The following ADAM7 variants were observed in gnomAD, a reference collection of about 807,000 sequenced individuals.
ADAM7 encodes disintegrin and metalloproteinase domain-containing protein 7.
A neutral mutation model predicts 102.9 loss-of-function variants in ADAM7; 97 were observed. The observed-to-expected ratio is 0.94, with a 90% CI of 0.80 to 1.12. ADAM7 has a LOEUF of 1.12. Ranked by LOEUF, ADAM7 falls within the 50% of genes most tolerant of loss-of-function variation. ADAM7 has a pLI of 0.00. For missense variants in ADAM7, 991 were observed against 908.7 expected (o/e 1.09, Z -1.16); for synonymous variants, 334 against 304.4 (o/e 1.10, Z -1.01).
chr8:24,468,845 C>G (rs1554540353), intron 7 of ADAM7, 25 bp downstream of exon 7: 1 of 1,588,070 alleles, frequency 6.3e-7, no homozygotes, highest in South Asian at 1.1e-5. Context: ...GAACATTTCT[C>G]TCTTTATTCT....
At chr8:24,484,754 G>C (rs1489000311) in intron 9 of ADAM7, among the ~76,000 whole-genome samples, 1 of 130,938 alleles carries the variant, frequency 7.6e-6, no homozygotes, top group African/African-American at 2.9e-5. Context: ...GTATTTTTTT[G>C]TTTTTTGTTT....
intron 3 of ADAM7, among the ~76,000 whole-genome samples, chr8:24,450,682 C>A (rs1412707046): frequency 3.9e-5 from 6 of 151,950 alleles, no homozygotes; most frequent in Non-Finnish European, 8.8e-5. Flanking sequence ...ACTTCCAACA[C>A]TATGTTGAAT....
rs1821046374 is a variant in ADAM7, at chr8:24,509,474, T to C, written c.*928T>C. 1.0e-6 allele frequency: 1 copy of C among 984,776 alleles called. No homozygotes were observed. Among genetic ancestry groups the C allele is most frequent in the Non-Finnish European group, 1.2e-6 (1 of 829,334 alleles). 61.0% of individuals were successfully genotyped at this position (984,776 alleles called of 1,614,324 possible). A position where few individuals can be genotyped will look rare whatever the true frequency, so the allele number is the denominator to read the frequency against. On this transcript the variant is annotated 3_prime_UTR_variant, in exon 22 of 22. Coordinates refer to ENST00000175238, the MANE Select transcript of ADAM7 (RefSeq NM_003817.4). ...AACTGTTAAAGCTACATGCATTATTTTTTTTCCATTTACTGAAATAAAGTT... is the reference window on the plus strand; with the variant it reads ...AACTGTTAAAGCTACATGCATTATTCTTTTTCCATTTACTGAAATAAAGTT...
At chr8:24,503,043 T>TG (rs1483629970) in intron 20 of ADAM7, among the ~76,000 whole-genome samples, 1 of 152,190 alleles carries the variant, frequency 6.6e-6, no homozygotes, top group Non-Finnish European at 1.5e-5. Flanking sequence ...TAATGAATCA[T>TG]GATCAAGTAT....
intron 3 of ADAM7, among the ~76,000 whole-genome samples, chr8:24,452,257 G>A (rs1213792207): frequency 2.7e-5 from 4 of 150,686 alleles, no homozygotes; most frequent in Non-Finnish European, 5.9e-5. Flanking sequence ...GGGTGTTAAA[G>A]TCTCCCATTA....
rs933146405 is a variant in ADAM7 at position 24,476,308 on chromosome 8, G to T, written c.634-125G>T. On this transcript the variant is annotated intron_variant, in intron 7 of 21. Transcript: ENST00000175238. Reference sequence around the variant, plus strand: ...TGTCTAGTTTTTAGCTGAATGAAAGGAGTTCTCTTTCTTCATTAGGCCAAT... The same window carrying T: ...TGTCTAGTTTTTAGCTGAATGAAAGTAGTTCTCTTTCTTCATTAGGCCAAT... 4.7e-6 allele frequency: 3 copies of T among 636,508 alleles called. No homozygotes were observed. In the African/African-American group the frequency reaches 5.5e-5, roughly 12 times the overall value. The allele number at this position is 636,508 out of a possible 1,614,324, so 39.4% of individuals were successfully genotyped here.
At chr8:24,455,283 A>G (rs1045166133) in intron 3 of ADAM7, among the ~76,000 whole-genome samples, 2 of 152,140 alleles carry the variant, frequency 1.3e-5, no homozygotes, top group African/African-American at 2.4e-5. Context: ...TTTCTCATCT[A>G]TCCATTCATC....
At chr8:24,488,292 T>C (rs1349818363) in intron 11 of ADAM7, among the ~76,000 whole-genome samples, 2 of 152,156 alleles carry the variant, frequency 1.3e-5, no homozygotes, top group East Asian at 3.9e-4. Flanking sequence ...ATATCCAGCC[T>C]TCCCCATTGT....
At chr8:24,491,574 G>T (rs934713632) in intron 13 of ADAM7, among the ~76,000 whole-genome samples, 3 of 152,080 alleles carry the variant, frequency 2.0e-5, no homozygotes, top group African/African-American at 4.8e-5. Context: ...AGGTGGGTAG[G>T]GGGTAGGCAG....
At chr8:24,443,146 C>T (rs1001375842) in intron 2 of ADAM7, among the ~76,000 whole-genome samples, 3 of 152,140 alleles carry the variant, frequency 2.0e-5, no homozygotes, top group African/African-American at 7.2e-5. Context: ...TTATAAAAGA[C>T]ATTAGATGAA....
At position 24,490,835 on chromosome 8, in the gene ADAM7, G is replaced by A. The variant is rs1462657945; in HGVS notation, c.1303G>A (p.Val435Ile). 1.2e-6 allele frequency: 2 copies of A among 1,613,626 alleles called. No individual in the cohort carries two copies. Among genetic ancestry groups the A allele is most frequent in the Non-Finnish European group, 1.7e-6 (2 of 1,179,770 alleles). The change falls in exon 13 of 22, where the codon GTA (valine) becomes ATA (isoleucine). Residue 435 changes from valine (V) to isoleucine (I), a missense_variant. Val to Ile is a conservative substitution (Grantham distance 29). Coordinates refer to ENST00000175238, the MANE Select transcript of ADAM7 (RefSeq NM_003817.4). ...TCCTTGCTGTGATGCACACACATGTGTACTGAAGCCAGGATTTACTTGTGC... is the reference window on the plus strand; with the variant it reads ...TCCTTGCTGTGATGCACACACATGTATACTGAAGCCAGGATTTACTTGTGC... ...TNPCCDAHTC[V>I]LKPGFTCAEG...
chr8:24,487,371 G>T, intron 11 of ADAM7, 54 bp downstream of exon 11: 1 of 1,579,336 alleles, frequency 6.3e-7, no homozygotes. Flanking sequence ...AGTGGGCTGG[G>T]CATGGTGGCT....
chr8:24,482,788 A>C (rs551401279), intron 9 of ADAM7, among the ~76,000 whole-genome samples: 4 of 152,308 alleles, frequency 2.6e-5, no homozygotes, highest in South Asian at 2.1e-4. Flanking sequence ...TGGACTATTT[A>C]ATAATCTTTC....
intron 7 of ADAM7, among the ~76,000 whole-genome samples, chr8:24,472,392 T>G (rs1819636894): frequency 6.6e-6 from 1 of 152,008 alleles, no homozygotes; most frequent in Admixed American, 6.6e-5. Context: ...AGAGATATCA[T>G]AAGATCACTG....
chr8:24,481,168 A>G (rs574075747), intron 8 of ADAM7, among the ~76,000 whole-genome samples: 1 of 152,284 alleles, frequency 6.6e-6, no homozygotes, highest in South Asian at 2.1e-4. Context: ...GTTTGACTAC[A>G]TGTCTAACTT....
Position 24,509,509 on chromosome 8 carries a change from T to G in ADAM7, c.*963T>G. 1 of 983,866 alleles carries G rather than the reference T, an allele frequency of 1.0e-6. No homozygotes were observed. The highest frequency in any genetic ancestry group is 1.2e-6 in the Non-Finnish European group (1 of 828,498). 60.9% of individuals were successfully genotyped at this position (983,866 alleles called of 1,614,324 possible). Reference sequence around the variant, plus strand: ...TTACTGAAATAAAGTTTTCAAGTTCTAAATAAAAATATTCTGACTCGATGA... The same window carrying G: ...TTACTGAAATAAAGTTTTCAAGTTCGAAATAAAAATATTCTGACTCGATGA... On this transcript the variant is annotated 3_prime_UTR_variant, in exon 22 of 22. Coordinates refer to ENST00000175238, the MANE Select transcript of ADAM7 (RefSeq NM_003817.4).
Position 24,509,030 on chromosome 8 carries a change from G to A in ADAM7, c.*484G>A, listed in dbSNP as rs576703929. ...CCTGCAGAAATGCCAAAGAAGGCAG[G>A]GCAGAGCGGCACGGATTCTAGGTAA... On this transcript the variant is annotated 3_prime_UTR_variant, in exon 22 of 22. Coordinates refer to ENST00000175238, the MANE Select transcript of ADAM7 (RefSeq NM_003817.4). 4 of 989,424 alleles carry A rather than the reference G, an allele frequency of 4.0e-6. No homozygotes were observed. Among genetic ancestry groups the A allele is most frequent in the African/African-American group, 3.5e-5 (2 of 57,408 alleles). The allele number at this position is 989,424 out of a possible 1,614,324, so 61.3% of individuals were successfully genotyped here.
chr8:24,486,011 C>T (rs917280860), intron 10 of ADAM7, among the ~76,000 whole-genome samples: 1 of 152,104 alleles, frequency 6.6e-6, no homozygotes, highest in Admixed American at 6.5e-5. Flanking sequence ...ACATGACTTA[C>T]TTATTATATA....
At chr8:24,462,513 CT>C (rs1025088146) in intron 3 of ADAM7, among the ~76,000 whole-genome samples, 1 of 152,164 alleles carries the variant, frequency 6.6e-6, no homozygotes, top group African/African-American at 2.4e-5. Flanking sequence ...CCTTCTTCAC[CT>C]CTCATGCTGT....
Sources: allele counts gnomAD v4.1 joint callset (sites outside exome capture counted in the v4.1 genomes callset), GRCh38; gene constraint gnomAD v4.1.1; transcripts MANE v1.5; gene names NCBI Gene and HGNC (gene_info 2026-07-23, HGNC 2026-07-21).